Variants in ANKRD30BL observed in about 807,000 individuals in gnomAD.
ANKRD30BL encodes ankyrin repeat domain 30B like.
In ANKRD30BL, 20 loss-of-function variants were observed where a neutral mutation model predicts 18.4. The ratio of observed to expected loss-of-function variants is 1.09; its 90% CI spans 0.77 to 1.58. The LOEUF (loss-of-function observed/expected upper bound fraction) is 1.58, where lower values mean the gene tolerates loss of function less well. Among genes scored for constraint, ANKRD30BL ranks in the 40% most tolerant of loss-of-function variants. ANKRD30BL has a pLI of 0.00. For synonymous variants in ANKRD30BL, 72 were observed against 100.9 expected (o/e 0.71, Z 1.72); for missense variants, 224 against 268.6 (o/e 0.83, Z 1.16).
chr2:132,164,979 C>T (rs1305103147), upstream of ANKRD30BL, among the ~76,000 whole-genome samples: 9 of 152,006 alleles, frequency 5.9e-5, no homozygotes, highest in African/African-American at 1.9e-4. Context: ...GAGGCTGAGG[C>T]GTGAGAATGG....
chr2:132,256,218 T>C (rs1039944564), intron 1 of ANKRD30BL, among the ~76,000 whole-genome samples: 3 of 151,922 alleles, frequency 2.0e-5, no homozygotes, highest in African/African-American at 7.3e-5. Context: ...CCTCTGGGAC[T>C]CGCGAGGATG....
intron 1 of ANKRD30BL, among the ~76,000 whole-genome samples, chr2:132,203,108 C>T (rs1482078848): frequency 6.6e-6 from 1 of 152,282 alleles, no homozygotes; most frequent in Non-Finnish European, 1.5e-5. Context: ...AAACCACCCA[C>T]CCCTGCTGAA....
chr2:132,190,059 A>G (rs546628851), intron 1 of ANKRD30BL, among the ~76,000 whole-genome samples: 1 of 152,112 alleles, frequency 6.6e-6, no homozygotes, highest in Admixed American at 6.6e-5. Context: ...AAATGGGGAT[A>G]ATATTCTCAC....
chr2:132,191,137 C>T (rs7602988), intron 1 of ANKRD30BL, among the ~76,000 whole-genome samples: 1 of 152,174 alleles, frequency 6.6e-6, no homozygotes, highest in Non-Finnish European at 1.5e-5. Context: ...TGATCTGCAA[C>T]CTACCACTAT....
chr2:132,229,029 GC>G (rs1188272365), intron 1 of ANKRD30BL, among the ~76,000 whole-genome samples: 3 of 151,986 alleles, frequency 2.0e-5, no homozygotes, highest in Admixed American at 6.6e-5. Flanking sequence ...TTTTGATAGA[GC>G]AGTTTTAAAG....
chr2:132,173,056 T>TTTG (rs56081428), intron 1 of ANKRD30BL, among the ~76,000 whole-genome samples: 150,846 of 152,144 alleles, frequency 0.99, 74,791 homozygotes, highest in Middle Eastern at 1. Context: ...AACTAATTTT[T>TTTG]TTATTTTTTC....
intron 1 of ANKRD30BL, among the ~76,000 whole-genome samples, chr2:132,236,126 G>T (rs1573875198): frequency 2.0e-5 from 3 of 152,156 alleles, no homozygotes; most frequent in Non-Finnish European, 4.4e-5. Flanking sequence ...TGGGAAAACT[G>T]GCTAGCCATA....
intron 1 of ANKRD30BL, among the ~76,000 whole-genome samples, chr2:132,183,785 A>G (rs1688517258): frequency 1.3e-5 from 2 of 152,092 alleles, no homozygotes; most frequent in South Asian, 4.1e-4. Context: ...ATATATTTGT[A>G]TATATATGCA....
intron 1 of ANKRD30BL, among the ~76,000 whole-genome samples, chr2:132,187,829 G>C (rs1046284569): frequency 1.3e-5 from 2 of 150,914 alleles, no homozygotes; most frequent in African/African-American, 4.9e-5. Flanking sequence ...CACAATTTCA[G>C]CTCATTGCAA....
chr2:132,204,126 G>GA (rs1679163627), intron 1 of ANKRD30BL, among the ~76,000 whole-genome samples: 1 of 152,176 alleles, frequency 6.6e-6, no homozygotes, highest in Admixed American at 6.6e-5. Context: ...ATTGGATCCT[G>GA]AAAAATGAAT....
Position 132,255,811 on chromosome 2 carries a change from A to T in ANKRD30BL, n.441+1718T>A, listed in dbSNP as rs538674763. Among the ~76,000 whole-genome samples, 255 of 152,238 alleles carry T rather than the reference A, an allele frequency of 1.7e-3. 5 individuals are homozygous for T. In the East Asian group the frequency reaches 0.025, roughly 15 times the overall value. On this transcript the variant is annotated intron_variant and non_coding_transcript_variant, in intron 1 of 4. Coordinates refer to the ANKRD30BL transcript ENST00000470729. ...GTCACCCGTGGTCACCATGATAGGCACAGCGACTACCATAGAAAGTTGATA... is the reference window on the plus strand; with the variant it reads ...GTCACCCGTGGTCACCATGATAGGCTCAGCGACTACCATAGAAAGTTGATA...
Position 132,148,006 on chromosome 2 carries a change from G to T in ANKRD30BL, c.*125C>A, listed in dbSNP as rs202079970. 4.3e-5 allele frequency: 31 copies of T among 720,102 alleles called. No individual in the cohort carries two copies. In the Admixed American group the frequency reaches 5.3e-4, roughly 12 times the overall value. The allele number at this position is 720,102 out of a possible 1,614,324, so 44.6% of individuals were successfully genotyped here. A position where few individuals can be genotyped will look rare whatever the true frequency, so the allele number is the denominator to read the frequency against. On this transcript the variant is annotated 3_prime_UTR_variant, in exon 6 of 6. Transcript: ENST00000409867. The stretch of plus-strand genomic sequence containing the variant: ...AAAACGGAGAACAAAGAACAGAGAA[G>T]CTGAACATACTGACATATTTGTTCT...
At chr2:132,193,273 A>G (rs1678896837) in intron 1 of ANKRD30BL, among the ~76,000 whole-genome samples, 1 of 152,208 alleles carries the variant, frequency 6.6e-6, no homozygotes, top group Admixed American at 6.5e-5. Context: ...ATCAAGGTTT[A>G]TGTAACTACT....
chr2:132,235,847 T>C (rs1427716553), intron 1 of ANKRD30BL, among the ~76,000 whole-genome samples: 1 of 152,116 alleles, frequency 6.6e-6, no homozygotes, highest in Non-Finnish European at 1.5e-5. Flanking sequence ...ACTTTAAAGT[T>C]CATATGGAAC....
At chr2:132,247,621 G>A (rs796325690) in intron 1 of ANKRD30BL, among the ~76,000 whole-genome samples, 8 of 149,028 alleles carry the variant, frequency 5.4e-5, no homozygotes, top group African/African-American at 9.9e-5. Context: ...AAAATGCTCA[G>A]ATATATACCA....
chr2:132,151,250 G>C (rs1000448932), intron 4 of ANKRD30BL, among the ~76,000 whole-genome samples: 8 of 152,086 alleles, frequency 5.3e-5, no homozygotes, highest in African/African-American at 1.9e-4. Flanking sequence ...CCTTAACTCG[G>C]AATAAGTCCT....
intron 1 of ANKRD30BL, among the ~76,000 whole-genome samples, chr2:132,195,816 T>G (rs368056227): frequency 2.7e-5 from 3 of 110,396 alleles, no homozygotes; most frequent in Admixed American, 9.6e-5. Flanking sequence ...AAAAAAAGAA[T>G]AAAATTCATC....
intron 5 of ANKRD30BL, among the ~76,000 whole-genome samples, chr2:132,148,886 A>T (rs918175716): frequency 2.0e-5 from 3 of 152,192 alleles, no homozygotes; most frequent in Admixed American, 1.3e-4. Context: ...AAAAAATGAC[A>T]ATGATAATAG....
Position 132,245,164 on chromosome 2 carries a change from A to T in ANKRD30BL, n.441+12365T>A, listed in dbSNP as rs1680461195. On this transcript the variant is annotated intron_variant and non_coding_transcript_variant, in intron 1 of 4. Transcript: ENST00000470729. ...TTTTTGATGTGTGTTTTCAACTCAA[A>T]GAGTTGAATCTTTCTTTCGATAGAG... is the stretch of plus-strand genomic sequence containing the variant. Among the ~76,000 whole-genome samples the T allele has an allele frequency of 2.0e-5, 3 of 152,370 alleles. No individual in the cohort carries two copies. In the South Asian group the frequency reaches 6.2e-4, roughly 32 times the overall value.
Sources: gnomAD v4.1 joint callset for allele counts (sites outside exome capture counted in the v4.1 genomes callset) on GRCh38, gnomAD v4.1.1 for gene constraint, MANE v1.5 for transcripts, NCBI Gene and HGNC (gene_info 2026-07-23, HGNC 2026-07-21) for gene names.